Variants in PALLD observed in about 807,000 individuals in gnomAD.
PALLD encodes the protein palladin, cytoskeletal associated protein, also known as palladin.
PALLD carries 61 observed loss-of-function variants against 123.5 expected under a neutral mutation model. The ratio of observed to expected loss-of-function variants is 0.49; its 90% CI spans 0.40 to 0.61. PALLD has a LOEUF of 0.61. Among genes scored for constraint, PALLD ranks in the 20% least tolerant of loss-of-function variants. PALLD has a pLI of 0.00. For synonymous variants in PALLD, 465 were observed against 496.4 expected, an observed-to-expected ratio of 0.94 and a Z score of 0.84; for missense variants, 1,273 against 1,377.0, an observed-to-expected ratio of 0.92 and a Z score of 1.20.
At chr4:168,698,151 T>C (rs1360060137) in intron 8 of PALLD, among the ~76,000 whole-genome samples, 1 of 152,184 alleles carries the variant, frequency 6.6e-6, no homozygotes, top group Admixed American at 6.5e-5. Context: ...CTTACTTATT[T>C]GTGTGATCTA....
intron 2 of PALLD, among the ~76,000 whole-genome samples, chr4:168,557,405 A>G (rs1469503122): frequency 4.6e-5 from 7 of 152,142 alleles, no homozygotes; most frequent in Non-Finnish European, 1.5e-5. Flanking sequence ...GAATATTCCA[A>G]CAAATCTTAG....
intron 2 of PALLD, among the ~76,000 whole-genome samples, chr4:168,546,952 C>T (rs981321529): frequency 6.6e-6 from 1 of 152,196 alleles, no homozygotes; most frequent in Non-Finnish European, 1.5e-5. Context: ...TTCCCCAAAG[C>T]TGTATTTCAT....
At chr4:168,522,558 CCT>C (rs1202822422) in intron 2 of PALLD, among the ~76,000 whole-genome samples, 2 of 152,214 alleles carry the variant, frequency 1.3e-5, no homozygotes, top group African/African-American at 4.8e-5. Context: ...GGCCATACCT[CCT>C]CATGGATCAC....
chr4:168,898,536 T>A lies in PALLD; in HGVS notation c.2294T>A (p.Ile765Lys). 5 of 1,613,724 alleles carry A rather than the reference T, an allele frequency of 3.1e-6. No homozygotes were observed. Among genetic ancestry groups the A allele is most frequent in the Non-Finnish European group, 4.2e-6 (5 of 1,179,710 alleles). Residue 765 changes from isoleucine to lysine, a missense_variant, in exon 14 of 22, where the codon ATA becomes AAA. Physicochemically the swap from Ile to Lys is moderately radical, Grantham distance 102. Around this residue, in one of 2 missense-constraint regions of PALLD, gnomAD observed 944 missense variants for 954.5 expected, o/e 0.99. Coordinates refer to ENST00000505667, the MANE Select transcript of PALLD (RefSeq NM_001166108.2). ...SSCEQRLISE[I>K]EYRLERSPVD... ...TGTGAACAGAGACTCATCAGTGAAA[T>A]AGAGTACAGGCTAGAAAGGTCTCCT...
chr4:168,783,287 T>G (rs779427293), intron 10 of PALLD, among the ~76,000 whole-genome samples: 4 of 152,208 alleles, frequency 2.6e-5, no homozygotes, highest in Admixed American at 6.5e-5. Flanking sequence ...CCTGGCAGCC[T>G]CTGATCTCCA....
Position 168,927,868 on chromosome 4 carries a change from T to C in PALLD, c.*1688T>C. ...ACATGAGGCTTTAATGGTACTTTGC[T>C]ATGAAAAGAAAACACTGTATTCCTT... On this transcript the variant is annotated 3_prime_UTR_variant, in exon 22 of 22. Coordinates refer to ENST00000505667, the MANE Select transcript of PALLD (RefSeq NM_001166108.2). 1 of 210,296 alleles carries C rather than the reference T, an allele frequency of 4.8e-6. No homozygotes were observed. The highest frequency in any genetic ancestry group is 7.2e-5 in the East Asian group (1 of 13,802). The allele number at this position is 210,296 out of a possible 1,614,324, so 13.0% of individuals were successfully genotyped here. A position where few individuals can be genotyped will look rare whatever the true frequency, so the allele number is the denominator to read the frequency against.
chr4:168,758,761 C>G (rs1272579209), intron 10 of PALLD, among the ~76,000 whole-genome samples: 1 of 152,032 alleles, frequency 6.6e-6, no homozygotes, highest in Admixed American at 6.6e-5. Flanking sequence ...CTTTTTCCCC[C>G]TCCCACATCC....
chr4:168,920,282 C>T (rs558114891), intron 17 of PALLD, among the ~76,000 whole-genome samples: 1 of 152,300 alleles, frequency 6.6e-6, no homozygotes, highest in African/African-American at 2.4e-5. Context: ...TCCAAAACCT[C>T]TTCATCCTTT....
intron 2 of PALLD, among the ~76,000 whole-genome samples, chr4:168,625,517 A>ATATATATATATATATATATATATC (rs1775175388): frequency 6.9e-6 from 1 of 144,126 alleles, no homozygotes; most frequent in African/African-American, 2.6e-5. Flanking sequence ...ATATATATAT[A>ATATATATATATATATATATATATC]TCCTATAAGG....
intron 10 of PALLD, among the ~76,000 whole-genome samples, chr4:168,837,563 G>A (rs779042784): frequency 2.6e-5 from 4 of 152,162 alleles, no homozygotes; most frequent in South Asian, 4.1e-4. Context: ...TATACCGTTC[G>A]TTGAGTACTT....
chr4:168,858,257 A>C (rs1048432225), intron 10 of PALLD, among the ~76,000 whole-genome samples: 3 of 152,218 alleles, frequency 2.0e-5, no homozygotes, highest in African/African-American at 7.2e-5. Context: ...AAGTTAGTAC[A>C]TCAGGGGTCA....
intron 2 of PALLD, among the ~76,000 whole-genome samples, chr4:168,641,353 C>A (rs908951453): frequency 1.3e-5 from 2 of 152,084 alleles, no homozygotes; most frequent in Non-Finnish European, 2.9e-5. Flanking sequence ...CTTGAAGAAA[C>A]CCTCTCCTAA....
At chr4:168,809,976 G>A (rs1054730201) in intron 10 of PALLD, among the ~76,000 whole-genome samples, 1 of 152,072 alleles carries the variant, frequency 6.6e-6, no homozygotes, top group Non-Finnish European at 1.5e-5. Context: ...GAACAATGTG[G>A]GGGCAAGGAG....
intron 10 of PALLD, chr4:168,885,499 G>C (rs1190281095): frequency 6.6e-6 from 1 of 152,174 alleles, no homozygotes; most frequent in East Asian, 1.9e-4. Flanking sequence ...ATTTTTGTAA[G>C]TTAAAAATGT....
At chr4:168,657,384 G>A (rs939348240) in intron 2 of PALLD, among the ~76,000 whole-genome samples, 1 of 152,162 alleles carries the variant, frequency 6.6e-6, no homozygotes, top group African/African-American at 2.4e-5. Flanking sequence ...ACACATTTGA[G>A]GAAACTCTAG....
intron 2 of PALLD, among the ~76,000 whole-genome samples, chr4:168,656,242 C>G (rs973112782): frequency 8.3e-6 from 1 of 120,146 alleles, no homozygotes; most frequent in Non-Finnish European, 1.7e-5. Context: ...TCTCCACCCC[C>G]CCACCCCCCA....
chr4:168,503,440 G>C (rs1761636479), intron 1 of PALLD, among the ~76,000 whole-genome samples: 1 of 152,096 alleles, frequency 6.6e-6, no homozygotes, highest in South Asian at 2.1e-4. Flanking sequence ...ACAAGGTCAA[G>C]AGATCGAGAC....
At chr4:168,812,766 A>G (rs1741346676) in intron 10 of PALLD, among the ~76,000 whole-genome samples, 1 of 152,182 alleles carries the variant, frequency 6.6e-6, no homozygotes, top group Non-Finnish European at 1.5e-5. Context: ...AATTGTACTC[A>G]TTCATGTGAA....
intron 10 of PALLD, among the ~76,000 whole-genome samples, chr4:168,815,489 A>G (rs1741770997): frequency 6.6e-6 from 1 of 152,262 alleles, no homozygotes; most frequent in African/African-American, 2.4e-5. Context: ...CCAGTCTAAA[A>G]CTGTCCTCCA....
Sources: allele counts gnomAD v4.1 joint callset (sites outside exome capture counted in the v4.1 genomes callset), GRCh38; gene constraint gnomAD v4.1.1; regional missense constraint gnomAD v4.1.1; transcripts MANE v1.5; gene names NCBI Gene and HGNC (gene_info 2026-07-23, HGNC 2026-07-21).